PHF24: variants seen among roughly 807,000 people sequenced by gnomAD.
The protein encoded by PHF24 is Galpha inhibitory interacting protein.
PHF24 carries 25 observed loss-of-function variants against 42.6 expected under a neutral mutation model. That is an observed-to-expected ratio of 0.59 (90% CI 0.43 to 0.82). The LOEUF (loss-of-function observed/expected upper bound fraction) is 0.82, where lower values mean the gene tolerates loss of function less well. Ranked by LOEUF, PHF24 falls within the 40% of genes least tolerant of loss-of-function variation. The pLI, the probability that PHF24 is intolerant of heterozygous loss-of-function variation, is 0.00. For synonymous variants in PHF24, 185 were observed against 204.8 expected, an observed-to-expected ratio of 0.90 and a Z score of 0.83; for missense variants, 470 against 538.1, an observed-to-expected ratio of 0.87 and a Z score of 1.25.
the PHF24 span, among the ~76,000 whole-genome samples, chr9:34,771,305 A>C: frequency 6.6e-6 from 1 of 152,224 alleles, no homozygotes; most frequent in Non-Finnish European, 1.5e-5. Context: ...TATTGCTGCT[A>C]GGCTATAAAT....
chr9:34,844,633 G>A, the PHF24 span, among the ~76,000 whole-genome samples: 1 of 152,042 alleles, frequency 6.6e-6, no homozygotes, highest in African/African-American at 2.4e-5. Context: ...TTATACCATT[G>A]AGGTTGGAAA....
chr9:34,706,089 T>A, the PHF24 span, among the ~76,000 whole-genome samples: 445 of 152,264 alleles, frequency 2.9e-3, 1 homozygote, highest in African/African-American at 0.01. Flanking sequence ...AACAAAAAGA[T>A]GAGTGACGAA....
chr9:34,796,751 G>T, the PHF24 span, among the ~76,000 whole-genome samples: 4 of 152,190 alleles, frequency 2.6e-5, no homozygotes, highest in Admixed American at 6.5e-5. Flanking sequence ...AAATAGTTTG[G>T]TAGTTTCTTA....
the PHF24 span, chr9:34,665,623 C>A: frequency 1.4e-6 from 1 of 701,496 alleles, no homozygotes; most frequent in East Asian, 2.7e-5. Context: ...TCCTCCTCCG[C>A]CTCCAGCGCC....
the PHF24 span, among the ~76,000 whole-genome samples, chr9:34,688,202 C>T: frequency 1.4e-4 from 22 of 152,108 alleles, no homozygotes; most frequent in African/African-American, 4.8e-4. Flanking sequence ...TGCTGGCTGA[C>T]GTATACCCGA....
chr9:34,738,922 C>A, the PHF24 span, among the ~76,000 whole-genome samples: 1 of 152,164 alleles, frequency 6.6e-6, no homozygotes, highest in Non-Finnish European at 1.5e-5. Context: ...TGGAGAAGAA[C>A]AGACAGTGTT....
chr9:34,977,327 C>G, intron 6 of PHF24, 84 bp downstream of exon 6: 1 of 1,475,070 alleles, frequency 6.8e-7, no homozygotes, highest in Non-Finnish European at 9.2e-7. Context: ...CCTCCCTGCT[C>G]CCCCTGCCAA....
At chr9:34,970,465 G>A in intron 1 of PHF24, among the ~76,000 whole-genome samples, 1 of 152,112 alleles carries the variant, frequency 6.6e-6, no homozygotes, top group Non-Finnish European at 1.5e-5. Context: ...CTAATGAGAG[G>A]GGGCAAAGGA....
the PHF24 span, among the ~76,000 whole-genome samples, chr9:34,753,524 A>G: frequency 6.6e-6 from 1 of 152,158 alleles, no homozygotes. Context: ...TTCCATGCTC[A>G]TGTATCGAAA....
At chr9:34,961,841 T>TA (rs1826598716) in intron 1 of PHF24, among the ~76,000 whole-genome samples, 1 of 152,228 alleles carries the variant, frequency 6.6e-6, no homozygotes, top group Non-Finnish European at 1.5e-5. Context: ...GAAGCCCTTT[T>TA]AGATATATGT....
At chr9:34,861,808 A>G in the PHF24 span, among the ~76,000 whole-genome samples, 3 of 152,224 alleles carry the variant, frequency 2.0e-5, no homozygotes, top group Admixed American at 6.5e-5. Flanking sequence ...GAGGAACAGG[A>G]TATTTTCATT....
the PHF24 span, among the ~76,000 whole-genome samples, chr9:34,928,172 C>T: frequency 2.7e-5 from 4 of 145,880 alleles, no homozygotes; most frequent in Non-Finnish European, 6.0e-5. Flanking sequence ...GCTGAAATCA[C>T]GCCATTGCAC....
chr9:34,889,229 A>T, the PHF24 span: 2 of 398,498 alleles, frequency 5.0e-6, no homozygotes, highest in Admixed American at 8.8e-5. Context: ...CCTTCTGCTG[A>T]GGTGAGTTAG....
At chr9:34,815,468 G>A in the PHF24 span, among the ~76,000 whole-genome samples, 12 of 152,074 alleles carry the variant, frequency 7.9e-5, no homozygotes, top group Non-Finnish European at 1.3e-4. Flanking sequence ...GACTACAGGC[G>A]CCCGCCACCA....
the PHF24 span, among the ~76,000 whole-genome samples, chr9:34,682,643 T>C: frequency 2.6e-5 from 4 of 152,202 alleles, no homozygotes; most frequent in Non-Finnish European, 5.9e-5. Flanking sequence ...CTTCCTATTA[T>C]ATTACTCTTG....
the PHF24 span, among the ~76,000 whole-genome samples, chr9:34,803,438 C>T: frequency 6.6e-6 from 1 of 150,590 alleles, no homozygotes; most frequent in Non-Finnish European, 1.5e-5. Context: ...ATCCTGGACG[C>T]AGCACATTCT....
chr9:34,753,617 C>A, the PHF24 span, among the ~76,000 whole-genome samples: 1 of 152,126 alleles, frequency 6.6e-6, no homozygotes, highest in Non-Finnish European at 1.5e-5. Context: ...CAATGACATT[C>A]TTCACAGAAA....
At chr9:34,901,918 G>A in the PHF24 span, among the ~76,000 whole-genome samples, 6 of 152,270 alleles carry the variant, frequency 3.9e-5, no homozygotes, top group African/African-American at 1.4e-4. Context: ...AAACGAGGAG[G>A]TAACTAGTGT....
chr9:34,825,329 A>G, the PHF24 span, among the ~76,000 whole-genome samples: 1 of 152,108 alleles, frequency 6.6e-6, no homozygotes, highest in African/African-American at 2.4e-5. Context: ...ACACAGCCAC[A>G]TTGTTGAGAC....
Sources: gnomAD v4.1 joint callset for allele counts (sites outside exome capture counted in the v4.1 genomes callset) on GRCh38, gnomAD v4.1.1 for gene constraint, MANE v1.5 for transcripts, NCBI Gene and HGNC (gene_info 2026-07-23, HGNC 2026-07-21) for gene names.